The following GPRC5B variants were observed in gnomAD, a reference collection of about 807,000 sequenced individuals.
GPRC5B encodes the protein G protein-coupled receptor family C group 5 member B.
A neutral mutation model predicts 30.1 loss-of-function variants in GPRC5B; 16 were observed. The ratio of observed to expected loss-of-function variants is 0.53; its 90% CI spans 0.36 to 0.81. The LOEUF (loss-of-function observed/expected upper bound fraction) is 0.81. Among genes scored for constraint, GPRC5B ranks in the 30% least tolerant of loss-of-function variants. The probability of loss-of-function intolerance (pLI) is 0.01; values close to 1 mark genes in which losing one functional copy is unlikely to be tolerated. For synonymous variants in GPRC5B, 241 were observed against 239.5 expected, an observed-to-expected ratio of 1.01 and a Z score of -0.06; for missense variants, 428 against 544.7, an observed-to-expected ratio of 0.79 and a Z score of 2.13.
At chr16:19,864,753 G>A (rs1236966405) in intron 2 of GPRC5B, among the ~76,000 whole-genome samples, 1 of 152,182 alleles carries the variant, frequency 6.6e-6, no homozygotes, top group African/African-American at 2.4e-5. Flanking sequence ...TAAAATACAA[G>A]CTGGCTGAGG....
rs2056579815 is a variant in GPRC5B, at chr16:19,857,740, T to G, written c.*2760A>C. On this transcript the variant is annotated 3_prime_UTR_variant, in exon 4 of 4. Coordinates refer to ENST00000300571, the MANE Select transcript of GPRC5B (RefSeq NM_016235.3). ...TTGTTCAGTGGGTCCTGACGGCATC[T>G]GGGCTAAAAAAAAAAAAAAAAAAAA... The G allele has an allele frequency of 1.6e-5, 2 of 123,960 alleles. No homozygotes were observed. The highest frequency in any genetic ancestry group is 3.4e-5 in the Non-Finnish European group (2 of 58,454). 7.7% of individuals were successfully genotyped at this position (123,960 alleles called of 1,614,324 possible).
intron 2 of GPRC5B, among the ~76,000 whole-genome samples, chr16:19,869,123 G>T (rs2056690884): frequency 6.6e-6 from 1 of 152,094 alleles, no homozygotes; most frequent in Non-Finnish European, 1.5e-5. Context: ...GAGGTCAGGA[G>T]TTCGAGACCA....
chr16:19,883,666 G>A (rs1047684261), intron 1 of GPRC5B, among the ~76,000 whole-genome samples: 5 of 152,256 alleles, frequency 3.3e-5, no homozygotes, highest in Admixed American at 3.3e-4. Context: ...CGCGTGGGCT[G>A]GGGCCCCAGG....
In GPRC5B at chr16:19,861,836, C is replaced by G; in HGVS notation, c.1167+1G>C. ...CCCCCACATCACATCTTGATACTTA[C>G]GGTCCCACCGTTGAGCACGACGGCC... On this transcript the variant is annotated splice_donor_variant, in intron 3 of 3. Transcript: ENST00000300571. LOFTEE classifies it high-confidence loss of function. The G allele has an allele frequency of 6.2e-7, 1 of 1,612,386 alleles. No individual in the cohort carries two copies. The highest frequency in any genetic ancestry group is 8.5e-7 in the Non-Finnish European group (1 of 1,179,006).
rs145725233 is a variant in GPRC5B, at chr16:19,880,132, C to T, written c.-2+4595G>A. 4.9e-3 allele frequency among the ~76,000 whole-genome samples: 740 copies of T among 150,464 alleles called. 8 individuals are homozygous for T. Among genetic ancestry groups the T allele is most frequent in the Non-Finnish European group, 8.0e-3 (540 of 67,644 alleles). On this transcript the variant is annotated intron_variant, in intron 1 of 3. Transcript: ENST00000300571. ...TAGGTGACAGCATAAAGACCCTGCTCAAAATATAATAATAATAAAATAAAA... is the reference window on the plus strand; with the variant it reads ...TAGGTGACAGCATAAAGACCCTGCTTAAAATATAATAATAATAAAATAAAA...
chr16:19,874,488 C>A (rs2056746199), intron 1 of GPRC5B, among the ~76,000 whole-genome samples: 1 of 152,228 alleles, frequency 6.6e-6, no homozygotes, highest in Admixed American at 6.5e-5. Context: ...TCCTCCATTG[C>A]AAGACGTGGC....
intron 2 of GPRC5B, among the ~76,000 whole-genome samples, chr16:19,869,486 T>C (rs1371225662): frequency 2.0e-5 from 3 of 152,076 alleles, no homozygotes; most frequent in Non-Finnish European, 2.9e-5. Flanking sequence ...TTATTTAATC[T>C]CAAGTGCTGG....
At chr16:19,863,122 T>C (rs1210031149) in intron 2 of GPRC5B, among the ~76,000 whole-genome samples, 1 of 152,082 alleles carries the variant, frequency 6.6e-6, no homozygotes, top group Non-Finnish European at 1.5e-5. Context: ...TTTAATTTTC[T>C]TTCTTTCTTT....
chr16:19,875,027 G>A (rs1450426804), intron 1 of GPRC5B, among the ~76,000 whole-genome samples: 1 of 152,086 alleles, frequency 6.6e-6, no homozygotes, highest in Non-Finnish European at 1.5e-5. Flanking sequence ...CTCTCCCCGG[G>A]CTCCAGTACG....
chr16:19,878,094 G>T (rs867267147), intron 1 of GPRC5B, among the ~76,000 whole-genome samples: 13 of 151,860 alleles, frequency 8.6e-5, no homozygotes, highest in South Asian at 2.1e-4. Context: ...AGCTACTTGG[G>T]GGACTGAGGC....
intron 1 of GPRC5B, among the ~76,000 whole-genome samples, chr16:19,881,891 C>T (rs2056809911): frequency 6.6e-6 from 1 of 152,230 alleles, no homozygotes; most frequent in South Asian, 2.1e-4. Flanking sequence ...CTGGGACTAG[C>T]CCCCATTTCT....
chr16:19,877,083 C>T (rs1484316065), intron 1 of GPRC5B, among the ~76,000 whole-genome samples: 3 of 152,168 alleles, frequency 2.0e-5, no homozygotes, highest in African/African-American at 4.8e-5. Context: ...GGATGGAGGC[C>T]TGAAGCTGGA....
rs760672604 is a variant in GPRC5B, at chr16:19,857,520, A to G, written c.*2980T>C. 4.9e-6 allele frequency: 2 copies of G among 408,424 alleles called. No individual in the cohort carries two copies. The highest frequency in any genetic ancestry group is 9.4e-6 in the Non-Finnish European group (2 of 213,298). The allele number at this position is 408,424 out of a possible 1,614,324, so 25.3% of individuals were successfully genotyped here. A position where few individuals can be genotyped will look rare whatever the true frequency, so the allele number is the denominator to read the frequency against. On this transcript the variant is annotated 3_prime_UTR_variant, in exon 4 of 4. Coordinates refer to ENST00000300571, the MANE Select transcript of GPRC5B (RefSeq NM_016235.3). ...AAACACACATTAATGCATTTAATAAATATATATTATCTATCAAAAGTGAGC... is the reference window on the plus strand; with the variant it reads ...AAACACACATTAATGCATTTAATAAGTATATATTATCTATCAAAAGTGAGC...
At chr16:19,883,622 C>T (rs1049710904) in intron 1 of GPRC5B, among the ~76,000 whole-genome samples, 2 of 152,246 alleles carry the variant, frequency 1.3e-5, no homozygotes, top group Non-Finnish European at 2.9e-5. Context: ...GTTCAGGTGC[C>T]CCCCGGCCTG....
Position 19,860,557 on chromosome 16 carries a change from A to G in GPRC5B, c.1168-13T>C. 4 of 1,572,878 alleles carry G rather than the reference A, an allele frequency of 2.5e-6. No homozygotes were observed. Among genetic ancestry groups the G allele is most frequent in the East Asian group, 2.2e-5 (1 of 44,708 alleles). Reference sequence around the variant, plus strand: ...GAGCAGTTGGGATCTGGAATAACACATAAGGATAACACACTGAGAACTCTG... The same window carrying G: ...GAGCAGTTGGGATCTGGAATAACACGTAAGGATAACACACTGAGAACTCTG... On this transcript the variant is annotated splice_polypyrimidine_tract_variant and intron_variant, in intron 3 of 3. Coordinates refer to ENST00000300571, the MANE Select transcript of GPRC5B (RefSeq NM_016235.3).
upstream of GPRC5B, chr16:19,885,148 C>A: frequency 8.3e-7 from 1 of 1,201,562 alleles, no homozygotes; most frequent in Non-Finnish European, 1.1e-6. This position sits in a 1 kb window ranked among gnomAD's most constrained non-coding sequence, Gnocchi z 5.3. Flanking sequence ...ACGAGCCGGG[C>A]AACTCCCCAG....
chr16:19,870,832 G>A (rs1475069372), intron 2 of GPRC5B, among the ~76,000 whole-genome samples: 1 of 152,246 alleles, frequency 6.6e-6, no homozygotes. Flanking sequence ...GCCAGAGGCA[G>A]GGCCCTTCCA....
chr16:19,874,006 C>T (rs1021208476), intron 1 of GPRC5B, among the ~76,000 whole-genome samples: 5 of 152,188 alleles, frequency 3.3e-5, no homozygotes, highest in Admixed American at 1.3e-4. Context: ...TGGTCTCGAA[C>T]TCCTGACCTC....
chr16:19,879,102 G>T (rs951221069), intron 1 of GPRC5B, among the ~76,000 whole-genome samples: 2 of 152,096 alleles, frequency 1.3e-5, no homozygotes, highest in East Asian at 3.9e-4. Context: ...TGGCAGGTAA[G>T]CCCCCATCCT....
Sources: gnomAD v4.1 joint callset for allele counts (sites outside exome capture counted in the v4.1 genomes callset) on GRCh38, gnomAD v4.1.1 for gene constraint, Gnocchi (gnomAD v3.1) non-coding constraint, MANE v1.5 for transcripts, NCBI Gene and HGNC (gene_info 2026-07-23, HGNC 2026-07-21) for gene names.